SLPI: variants seen among roughly 807,000 people sequenced by gnomAD.
The protein encoded by SLPI is antileukoproteinase.
A neutral mutation model predicts 14.3 loss-of-function variants in SLPI; 20 were observed. That is an observed-to-expected ratio of 1.40 (90% confidence interval 0.99 to 2.04). The LOEUF is 2.04. SLPI is among the 30% of genes most tolerant of loss of function. The pLI, the probability that SLPI is intolerant of heterozygous loss-of-function variation, is 0.00. For synonymous variants in SLPI, 68 were observed against 54.8 expected, an observed-to-expected ratio of 1.24 and a Z score of -1.07; for missense variants, 169 against 159.4, an observed-to-expected ratio of 1.06 and a Z score of -0.32.
At position 45,253,648 on chromosome 20, in the gene SLPI, A is replaced by T. The variant is rs369325313; in HGVS notation, c.171T>A (p.Cys57Ter). 1.9e-6 allele frequency: 3 copies of T among 1,613,950 alleles called. No homozygotes were observed. The highest frequency in any genetic ancestry group is 2.2e-5 in the South Asian group (2 of 91,090). The change falls in exon 2 of 4, where the codon TGT becomes TGA. Residue 57 changes from cysteine to a stop codon, truncating the protein, a stop_gained. Transcript: ENST00000338380. LOFTEE classifies it high-confidence loss of function. ...KKPECQSDWQ[C>*]PGKKRCCPDT... ...CAGGACAACATCTCTTCTTCCCTGG[A>T]CACTGCCAGTCACTCTGGCACTCAG...
At chr20:45,253,193 A>C in intron 2 of SLPI, 42 bp from the exon 3 acceptor site, 1 of 1,595,800 alleles carries the variant, frequency 6.3e-7, no homozygotes, top group Non-Finnish European at 8.6e-7. Flanking sequence ...CTTGTACTTT[A>C]TACAACCCCT....
rs1984685295 is a variant in SLPI at position 45,252,344 on chromosome 20, C to G, written c.*71G>C. 2.6e-6 allele frequency: 4 copies of G among 1,524,276 alleles called. No homozygotes were observed. The highest frequency in any genetic ancestry group is 3.6e-6 in the Non-Finnish European group (4 of 1,107,844). 94.4% of individuals were successfully genotyped at this position (1,524,276 alleles called of 1,614,324 possible). On this transcript the variant is annotated 3_prime_UTR_variant, in exon 4 of 4. Coordinates refer to ENST00000338380, the MANE Select transcript of SLPI (RefSeq NM_003064.4). ...CCAAAGGAGGATATCAGTGGTGGAG[C>G]CAAGTCTCAGGGTGGAAAGGACCTG...
chr20:45,253,828 C>G, intron 1 of SLPI, 95 bp from the exon 2 acceptor site: 1 of 1,146,290 alleles, frequency 8.7e-7, no homozygotes, highest in Admixed American at 2.2e-5. Context: ...GGGGAGAGAC[C>G]CTTACCTCAG....
intron 1 of SLPI, among the ~76,000 whole-genome samples, chr20:45,254,184 AAGAAGGCGG>A (rs1984748437): frequency 6.7e-6 from 1 of 148,436 alleles, no homozygotes; most frequent in South Asian, 2.2e-4. Flanking sequence ...ACAGGTGAAG[AAGAAGGCGG>A]AGTATGAGAG....
intron 2 of SLPI, among the ~76,000 whole-genome samples, 177 bp from the exon 3 acceptor site, chr20:45,253,328 A>G (rs530448438): frequency 6.6e-6 from 1 of 152,256 alleles, no homozygotes; most frequent in Non-Finnish European, 1.5e-5. Context: ...TGGCTCTCCT[A>G]GAACTTCAGG....
chr20:45,253,200 C>T lies in SLPI; in HGVS notation c.245-49G>A, dbSNP rs374124576. 5 of 1,580,186 alleles carry T rather than the reference C, an allele frequency of 3.2e-6. No individual in the cohort carries two copies. In the African/African-American group the frequency reaches 4.0e-5, roughly 13 times the overall value. The stretch of plus-strand genomic sequence containing the variant: ...TCAGAGGCCTTGTACTTTATACAAC[C>T]CCTCCCATCCCCACTTTTTAGAGTG... On this transcript the variant is annotated intron_variant, in intron 2 of 3. Transcript: ENST00000338380.
rs1984760398 is a variant in SLPI at position 45,254,463 on chromosome 20, T to C, written c.81A>G (p.Gly27=). The change falls in exon 1 of 4, where the codon GGA becomes GGG. Residue 27 remains glycine, a synonymous_variant. Coordinates refer to ENST00000338380, the MANE Select transcript of SLPI (RefSeq NM_003064.4). The part of the protein sequence containing the change: ...TLAPWAVEGS[G]KSFKAGVCPP... ...ACCAGAGTGACTCCAACTTACACTT[T>C]CCAGAGCCTTCCACAGCCCAAGGTG... is the stretch of plus-strand genomic sequence containing the variant. The C allele has an allele frequency of 6.2e-7, 1 of 1,613,882 alleles. No individual in the cohort carries two copies. The highest frequency in any genetic ancestry group is 1.3e-5 in the African/African-American group (1 of 74,904).
At chr20:45,252,977 C>T (rs1568852477) in intron 3 of SLPI, 25 bp downstream of exon 3, 2 of 1,610,124 alleles carry the variant, frequency 1.2e-6, no homozygotes. Flanking sequence ...GGAGGGAGCT[C>T]AGTGTGCCCT....
Position 45,254,547 on chromosome 20 carries a change from G to T in SLPI, c.-4C>A. ...GGAAGAGGCCGCTGGACTTCATGGT[G>T]AAGGCAGGAGTGACTCTGATGGCCA... On this transcript the variant is annotated 5_prime_UTR_variant, in exon 1 of 4. Coordinates refer to ENST00000338380, the MANE Select transcript of SLPI (RefSeq NM_003064.4). 6.2e-7 allele frequency: 1 copy of T among 1,613,254 alleles called. No homozygotes were observed. The highest frequency in any genetic ancestry group is 8.5e-7 in the Non-Finnish European group (1 of 1,179,664).
In SLPI at chr20:45,254,530, C is replaced by A; in HGVS notation, c.14G>T (p.Gly5Val). The A allele has an allele frequency of 6.2e-7, 1 of 1,613,998 alleles. No homozygotes were observed. Among genetic ancestry groups the A allele is most frequent in the Non-Finnish European group, 8.5e-7 (1 of 1,179,960 alleles). Reference sequence around the variant, plus strand: ...AAGCAGCACCAGGAAGGGGAAGAGGCCGCTGGACTTCATGGTGAAGGCAGG... The same window carrying A: ...AAGCAGCACCAGGAAGGGGAAGAGGACGCTGGACTTCATGGTGAAGGCAGG... The part of the protein sequence containing the change: MKSS[G>V]LFPFLVLLAL... The change falls in exon 1 of 4, where the codon GGC (glycine) becomes GTC (valine). Residue 5 changes from glycine to valine, a missense_variant. Gly to Val is a moderately radical substitution (Grantham distance 109). Transcript: ENST00000338380.
At chr20:45,254,411 C>G in intron 1 of SLPI, 48 bp downstream of exon 1, 1 of 1,539,696 alleles carries the variant, frequency 6.5e-7, no homozygotes, top group Non-Finnish European at 9.0e-7. Context: ...AAGGAGACCC[C>G]ACCTCTGACC....
chr20:45,254,349 C>T (rs572756901), intron 1 of SLPI, 110 bp downstream of exon 1: 38 of 904,118 alleles, frequency 4.2e-5, no homozygotes, highest in Middle Eastern at 2.2e-4. Flanking sequence ...GGAGGTCTCC[C>T]GAAACTAAGC....
intron 1 of SLPI, among the ~76,000 whole-genome samples, chr20:45,254,119 C>G (rs1491003535): frequency 6.6e-6 from 1 of 150,924 alleles, no homozygotes; most frequent in Non-Finnish European, 1.5e-5. Flanking sequence ...GACAAAATAG[C>G]AGAAGCAAAG....
At chr20:45,253,422 C>T (rs1984724381) in intron 2 of SLPI, among the ~76,000 whole-genome samples, 153 bp downstream of exon 2, 1 of 152,204 alleles carries the variant, frequency 6.6e-6, no homozygotes. Flanking sequence ...ATGCCCGCTG[C>T]TTCACCAGCT....
intron 3 of SLPI, 63 bp downstream of exon 3, chr20:45,252,939 C>T: frequency 6.4e-7 from 1 of 1,561,824 alleles, no homozygotes; most frequent in South Asian, 1.2e-5. Flanking sequence ...TATGCCTGGG[C>T]CTCCAGAGGG....
Position 45,252,388 on chromosome 20 carries a change from T to C in SLPI, c.*27A>G. The C allele has an allele frequency of 6.2e-7, 1 of 1,613,362 alleles. No homozygotes were observed. The highest frequency in any genetic ancestry group is 8.5e-7 in the Non-Finnish European group (1 of 1,179,530). ...GGACCTGGACCACACAGAGCAGGAC[T>C]CCAGAGCCTCCTCCATATGGCAGGA... On this transcript the variant is annotated 3_prime_UTR_variant, in exon 4 of 4. Coordinates refer to ENST00000338380, the MANE Select transcript of SLPI (RefSeq NM_003064.4).
At chr20:45,252,958 G>C (rs778491043) in intron 3 of SLPI, 44 bp downstream of exon 3, 1 of 1,598,840 alleles carries the variant, frequency 6.3e-7, no homozygotes, top group Non-Finnish European at 8.5e-7. Flanking sequence ...GGTTGAGGCT[G>C]AGAGGGCTGG....
chr20:45,252,920 C>G (rs1273532021), intron 3 of SLPI, 82 bp downstream of exon 3: 2 of 1,463,012 alleles, frequency 1.4e-6, no homozygotes, highest in African/African-American at 1.4e-5. Context: ...TCAGGAGTCC[C>G]CCTGCCCATA....
Position 45,253,863 on chromosome 20 carries a change from T to C in SLPI, c.86-130A>G, listed in dbSNP as rs992137259. 4 of 748,710 alleles carry C rather than the reference T, an allele frequency of 5.3e-6. 1 individual carries two copies. Among genetic ancestry groups the C allele is most frequent in the Non-Finnish European group, 4.4e-6 (2 of 459,680 alleles). 46.4% of individuals were successfully genotyped at this position (748,710 alleles called of 1,614,324 possible). A position where few individuals can be genotyped will look rare whatever the true frequency, so the allele number is the denominator to read the frequency against. On this transcript the variant is annotated intron_variant, in intron 1 of 3. Transcript: ENST00000338380. Reference sequence around the variant, plus strand: ...GTAGCTGTCCACAAAGCCCAAAGGGTCATGCCTGCCTGATCTCCAGGTGTA... The same window carrying C: ...GTAGCTGTCCACAAAGCCCAAAGGGCCATGCCTGCCTGATCTCCAGGTGTA...
Sources: gnomAD v4.1 joint callset for allele counts (sites outside exome capture counted in the v4.1 genomes callset) on GRCh38, gnomAD v4.1.1 for gene constraint, MANE v1.5 for transcripts, NCBI Gene and HGNC (gene_info 2026-07-23, HGNC 2026-07-21) for gene names.